Variants in SFTPD observed in about 807,000 individuals in gnomAD.
SFTPD encodes surfactant protein D.
A neutral mutation model predicts 34.6 loss-of-function variants in SFTPD; 18 were observed. That is an observed-to-expected ratio of 0.52 (90% CI 0.36 to 0.77). The LOEUF (loss-of-function observed/expected upper bound fraction) is 0.77, where lower values mean the gene tolerates loss of function less well. Ranked by LOEUF, SFTPD falls within the 30% of genes least tolerant of loss-of-function variation. The probability of loss-of-function intolerance (pLI) is 0.00; values close to 1 mark genes in which losing one functional copy is unlikely to be tolerated. For synonymous variants in SFTPD, 155 were observed against 180.9 expected (o/e 0.86, Z 1.15); for missense variants, 433 against 468.9 (o/e 0.92, Z 0.71).
chr10:79,946,974 G>A (rs577355308), intron 1 of SFTPD, among the ~76,000 whole-genome samples: 1 of 152,316 alleles, frequency 6.6e-6, no homozygotes, highest in Non-Finnish European at 1.5e-5. Flanking sequence ...CTAGGATGTA[G>A]CATTCCTCAC....
chr10:79,957,064 A>T (rs1024063119), intron 1 of SFTPD, among the ~76,000 whole-genome samples: 2 of 151,450 alleles, frequency 1.3e-5, no homozygotes, highest in East Asian at 3.9e-4. Context: ...CCTCTAGCAA[A>T]CTCCAACAGA....
At chr10:79,956,895 A>C (rs1224780498) in intron 1 of SFTPD, among the ~76,000 whole-genome samples, 1 of 151,960 alleles carries the variant, frequency 6.6e-6, no homozygotes, top group African/African-American at 2.4e-5. Context: ...ACTGGGAGGC[A>C]CCCCCCAGTA....
At chr10:79,954,130 T>C (rs1842726334) in intron 1 of SFTPD, among the ~76,000 whole-genome samples, 1 of 151,890 alleles carries the variant, frequency 6.6e-6, no homozygotes, top group African/African-American at 2.4e-5. Flanking sequence ...TTTAAGATGA[T>C]TATCTGAAAT....
In SFTPD at chr10:79,942,394, G is replaced by GCCCAGCTTCT; in HGVS notation, c.417_426dup (p.Pro143ArgfsTer26). 1 of 1,606,966 alleles carries GCCCAGCTTCT rather than the reference G, an allele frequency of 6.2e-7. No individual in the cohort carries two copies. Among genetic ancestry groups the GCCCAGCTTCT allele is most frequent in the Non-Finnish European group, 8.5e-7 (1 of 1,173,710 alleles). ...CCACAGACCAGCCACCTACCTTTGG[G>GCCCAGCTTCT]CCCAGCTTCTCCTTTTGGGCCTGGC... On this transcript the variant is annotated frameshift_variant, in exon 4 of 8. Transcript: ENST00000372292. LOFTEE classifies it high-confidence loss of function.
intron 1 of SFTPD, among the ~76,000 whole-genome samples, chr10:79,959,700 A>G (rs867524802): frequency 6.6e-6 from 1 of 152,202 alleles, no homozygotes; most frequent in Non-Finnish European, 1.5e-5. Flanking sequence ...ATTCACAGCC[A>G]AATTCTACCA....
At chr10:79,970,959 A>G (rs1370790189) in intron 1 of SFTPD, 1 of 152,142 alleles carries the variant, frequency 6.6e-6, no homozygotes, top group Non-Finnish European at 1.5e-5. Context: ...CTAGAGGAAA[A>G]TACTTCAGCT....
upstream of SFTPD, among the ~76,000 whole-genome samples, chr10:79,952,659 G>A (rs909418220): frequency 6.6e-6 from 1 of 152,136 alleles, no homozygotes; most frequent in Non-Finnish European, 1.5e-5. Flanking sequence ...GGTTGCTGCA[G>A]TCTAAGTGGG....
intron 1 of SFTPD, among the ~76,000 whole-genome samples, chr10:79,980,773 C>A (rs4520539): frequency 1.3e-5 from 2 of 152,202 alleles, no homozygotes; most frequent in Admixed American, 1.3e-4. Flanking sequence ...TTGGGGTTCC[C>A]CCTATTGTGT....
At chr10:79,946,379 C>A (rs6413523) in intron 2 of SFTPD, 82 bp downstream of exon 2, 69,024 of 1,065,672 alleles carry the variant, frequency 0.065, 5,909 homozygotes, top group East Asian at 0.39. Context: ...ACTTCCATAA[C>A]AAAGTACCCA....
Position 79,941,392 on chromosome 10 carries a change from C to G in SFTPD, c.667+6G>C. 1 of 1,613,204 alleles carries G rather than the reference C, an allele frequency of 6.2e-7. No individual in the cohort carries two copies. The highest frequency in any genetic ancestry group is 1.7e-5 in the Admixed American group (1 of 60,002). On this transcript the variant is annotated splice_donor_region_variant and intron_variant, in intron 6 of 7. Transcript: ENST00000372292. ...GGCTTCCCTGGGCCAGGAGCTGCTA[C>G]CTTACCTGGAAGCCCACTTTCTCCC...
upstream of SFTPD, among the ~76,000 whole-genome samples, chr10:79,949,626 G>A (rs138875698): frequency 6.9e-4 from 105 of 152,344 alleles, no homozygotes; most frequent in Non-Finnish European, 1.2e-3. Flanking sequence ...AGCAGCTAGG[G>A]AGCTGCCACC....
chr10:79,943,226 G>A (rs1196049957), intron 2 of SFTPD, among the ~76,000 whole-genome samples: 1 of 152,162 alleles, frequency 6.6e-6, no homozygotes, highest in Non-Finnish European at 1.5e-5. Context: ...TATTAGGGAA[G>A]CCAACCAGAA....
intron 1 of SFTPD, among the ~76,000 whole-genome samples, chr10:79,981,552 G>A (rs949395027): frequency 9.2e-5 from 14 of 152,186 alleles, no homozygotes; most frequent in African/African-American, 3.4e-4. Context: ...CGCCAGCCCA[G>A]CCCAGGGGGA....
intron 1 of SFTPD, among the ~76,000 whole-genome samples, chr10:79,959,575 C>A (rs375314921): frequency 6.6e-6 from 1 of 152,154 alleles, no homozygotes; most frequent in Non-Finnish European, 1.5e-5. Context: ...AACACATACA[C>A]CCTCCCAAGA....
intron 1 of SFTPD, among the ~76,000 whole-genome samples, chr10:79,981,104 C>T (rs1257940062): frequency 6.6e-6 from 1 of 152,048 alleles, no homozygotes; most frequent in African/African-American, 2.4e-5. Context: ...ATTCAGAATC[C>T]TGTTAAATAT....
rs561390808 is a variant in SFTPD, at chr10:79,958,344, A to T, written c.37-11682T>A. The stretch of plus-strand genomic sequence containing the variant: ...GTGGGCTAAATGCTCCAATTAAAAG[A>T]CACAGACTGGCAAATTGGATAAAGA... On this transcript the variant is annotated intron_variant, in intron 1 of 5. Transcript: ENST00000444384. Among the ~76,000 whole-genome samples, 3 of 152,336 alleles carry T rather than the reference A, an allele frequency of 2.0e-5. No homozygotes were observed. The East Asian group carries it at 5.8e-4, about 29-fold the overall frequency.
rs544165613 is a variant in SFTPD, at chr10:79,974,751, A to G, written c.36+7824T>C. Among the ~76,000 whole-genome samples, 48 of 152,324 alleles carry G rather than the reference A, an allele frequency of 3.2e-4. No individual in the cohort carries two copies. In the Middle Eastern group the frequency reaches 0.017, roughly 54 times the overall value. On this transcript the variant is annotated intron_variant, in intron 1 of 5. Coordinates refer to the SFTPD transcript ENST00000444384. ...CAGATGTGCCTACAGCTAATGTTGAAAGAGGAGGAGTCTTTTCTTTGGCAG... is the reference window on the plus strand; with the variant it reads ...CAGATGTGCCTACAGCTAATGTTGAGAGAGGAGGAGTCTTTTCTTTGGCAG...
At chr10:79,954,509 C>T (rs1842728356) in intron 1 of SFTPD, among the ~76,000 whole-genome samples, 1 of 152,158 alleles carries the variant, frequency 6.6e-6, no homozygotes, top group African/African-American at 2.4e-5. Context: ...TCAGTATCTG[C>T]AGGTATATTT....
chr10:79,980,540 T>G (rs1842884723), intron 1 of SFTPD, among the ~76,000 whole-genome samples: 1 of 152,154 alleles, frequency 6.6e-6, no homozygotes. Flanking sequence ...GCTTCAGGTG[T>G]GACCCAGCAC....
Sources: gnomAD v4.1 joint callset for allele counts (sites outside exome capture counted in the v4.1 genomes callset) on GRCh38, gnomAD v4.1.1 for gene constraint, MANE v1.5 for transcripts, NCBI Gene and HGNC (gene_info 2026-07-23, HGNC 2026-07-21) for gene names.